PPIL1: variants seen among roughly 807,000 people sequenced by gnomAD.
The protein encoded by PPIL1 is peptidyl-prolyl cis-trans isomerase-like 1.
PPIL1 carries 14 observed loss-of-function variants against 19.4 expected under a neutral mutation model. That is an observed-to-expected ratio of 0.72 (90% CI 0.48 to 1.13). The LOEUF is 1.13. PPIL1 is among the 50% of genes most tolerant of loss of function. The pLI, the probability that PPIL1 is intolerant of heterozygous loss-of-function variation, is 0.00. For synonymous variants in PPIL1, 72 were observed against 73.6 expected (o/e 0.98, Z 0.11); for missense variants, 192 against 218.0 (o/e 0.88, Z 0.75).
chr6:36,874,586 T>C, intron 1 of PPIL1, 131 bp downstream of exon 1: 1 of 1,264,514 alleles, frequency 7.9e-7, no homozygotes, highest in Non-Finnish European at 1.1e-6. Flanking sequence ...CTGGGGGCCG[T>C]CTCGGCCGCT....
intron 2 of PPIL1, among the ~76,000 whole-genome samples, chr6:36,866,954 T>C (rs1199682227): frequency 6.6e-6 from 1 of 152,148 alleles, no homozygotes; most frequent in Non-Finnish European, 1.5e-5. Flanking sequence ...GGGACTTACA[T>C]ACAGGGCAGA....
intron 2 of PPIL1, among the ~76,000 whole-genome samples, chr6:36,871,116 G>A (rs1474862215): frequency 6.6e-6 from 1 of 152,138 alleles, no homozygotes; most frequent in African/African-American, 2.4e-5. Flanking sequence ...CATCCAAAAT[G>A]TTCTCCCCAC....
At position 36,863,090 on chromosome 6, in the gene PPIL1, T is replaced by A. The variant is rs559913635; in HGVS notation, c.212-6436A>T. 5.3e-5 allele frequency among the ~76,000 whole-genome samples: 8 copies of A among 152,298 alleles called. 1 individual carries two copies. In the South Asian group the frequency reaches 1.7e-3, roughly 32 times the overall value. Reference sequence around the variant, plus strand: ...TAAATGAGACAGCATATGGAAGCTATCTGGTGTGTAACATGAGGCAAACAC... The same window carrying A: ...TAAATGAGACAGCATATGGAAGCTAACTGGTGTGTAACATGAGGCAAACAC... On this transcript the variant is annotated intron_variant, in intron 2 of 3. Coordinates refer to ENST00000373699, the MANE Select transcript of PPIL1 (RefSeq NM_016059.5).
chr6:36,856,090 G>A (rs1032774041), intron 3 of PPIL1, 57 bp from the exon 4 acceptor site: 1 of 1,534,220 alleles, frequency 6.5e-7, no homozygotes, highest in Non-Finnish European at 8.9e-7. Flanking sequence ...GTCCAGTGTA[G>A]AGCTGCTGCC....
chr6:36,855,195 T>C lies in PPIL1; in HGVS notation c.*618A>G, dbSNP rs1774141895. Reference sequence around the variant, plus strand: ...TGACACCTTCTTAGAAACTTGATTGTTGGATGTGTTTTTCATTTGGCAAAA... The same window carrying C: ...TGACACCTTCTTAGAAACTTGATTGCTGGATGTGTTTTTCATTTGGCAAAA... On this transcript the variant is annotated 3_prime_UTR_variant, in exon 4 of 4. Coordinates refer to ENST00000373699, the MANE Select transcript of PPIL1 (RefSeq NM_016059.5). The C allele has an allele frequency of 6.5e-6, 1 of 153,236 alleles. No individual in the cohort carries two copies. Among genetic ancestry groups the C allele is most frequent in the Non-Finnish European group, 1.5e-5 (1 of 68,434 alleles). The allele number at this position is 153,236 out of a possible 1,614,324, so 9.5% of individuals were successfully genotyped here.
At chr6:36,874,653 G>A (rs145636632) in intron 1 of PPIL1, 64 bp downstream of exon 1, 592 of 1,586,164 alleles carry the variant, frequency 3.7e-4, no homozygotes, top group African/African-American at 3.1e-3. Context: ...CAGGAACGCA[G>A]ACCCGTGGTG....
chr6:36,866,782 G>A (rs576012923), intron 2 of PPIL1, among the ~76,000 whole-genome samples: 15 of 152,146 alleles, frequency 9.9e-5, no homozygotes, highest in African/African-American at 3.6e-4. Context: ...GAAGTACATC[G>A]AAGTACCGAC....
intron 1 of PPIL1, 97 bp from the exon 2 acceptor site, chr6:36,871,969 T>C (rs1220578196): frequency 2.6e-6 from 3 of 1,160,650 alleles, no homozygotes; most frequent in Non-Finnish European, 3.4e-6. Context: ...TTCAAGCTTG[T>C]AAGTCATGAA....
intron 1 of PPIL1, 87 bp from the exon 2 acceptor site, chr6:36,871,959 T>C: frequency 8.1e-7 from 1 of 1,229,586 alleles, no homozygotes; most frequent in South Asian, 2.0e-5. Context: ...ACTCTTGATT[T>C]TCAAGCTTGT....
At position 36,860,643 on chromosome 6, in the gene PPIL1, A is replaced by G. The variant is rs1192326333; in HGVS notation, c.212-3989T>C. 2.0e-5 allele frequency among the ~76,000 whole-genome samples: 3 copies of G among 151,956 alleles called. No homozygotes were observed. The East Asian group carries it at 5.8e-4, about 29-fold the overall frequency. ...CCCACTGCATCTCTCCCCACCACTC[A>G]TTCTCCTGAGAGCTAACAGCTGATT... On this transcript the variant is annotated intron_variant, in intron 2 of 3. Coordinates refer to ENST00000373699, the MANE Select transcript of PPIL1 (RefSeq NM_016059.5).
chr6:36,870,956 A>C (rs1774497709), intron 2 of PPIL1, among the ~76,000 whole-genome samples: 1 of 152,186 alleles, frequency 6.6e-6, no homozygotes, highest in African/African-American at 2.4e-5. Flanking sequence ...AGATCAGATC[A>C]TGTCTTTCCT....
At chr6:36,867,342 C>A (rs536034453) in intron 2 of PPIL1, among the ~76,000 whole-genome samples, 1 of 152,294 alleles carries the variant, frequency 6.6e-6, no homozygotes, top group South Asian at 2.1e-4. Context: ...GTCAAAAGTT[C>A]ACCAGCATCA....
chr6:36,867,312 C>G (rs1264447775), intron 2 of PPIL1, among the ~76,000 whole-genome samples: 2 of 151,988 alleles, frequency 1.3e-5, no homozygotes, highest in African/African-American at 4.8e-5. Flanking sequence ...AGTGAACATA[C>G]AAAAATTAAA....
chr6:36,874,257 GA>G (rs1774586364), intron 1 of PPIL1, among the ~76,000 whole-genome samples: 1 of 152,206 alleles, frequency 6.6e-6, no homozygotes, highest in African/African-American at 2.4e-5. Flanking sequence ...TGATAGTGGG[GA>G]AAATGTGCTT....
intron 2 of PPIL1, among the ~76,000 whole-genome samples, chr6:36,866,805 G>A (rs1290943958): frequency 6.6e-6 from 1 of 152,176 alleles, no homozygotes; most frequent in Non-Finnish European, 1.5e-5. Context: ...AACCCTTTCA[G>A]ACAAAGAAAG....
intron 2 of PPIL1, among the ~76,000 whole-genome samples, chr6:36,870,380 C>T (rs1217246941): frequency 2.6e-5 from 4 of 152,130 alleles, no homozygotes; most frequent in Admixed American, 6.5e-5. Flanking sequence ...CCCTGAACCC[C>T]ATATTCCTAT....
rs112797928 is a variant in PPIL1 at position 36,859,811 on chromosome 6, T to TTTTGTGTGTGTGTGTGTGTGTGTGTG, written c.212-3158_212-3157insCACACACACACACACACACACACAAA. Among the ~76,000 whole-genome samples, 33 of 144,988 alleles carry TTTTGTGTGTGTGTGTGTGTGTGTGTG rather than the reference T, an allele frequency of 2.3e-4. 1 individual carries two copies. The highest frequency in any genetic ancestry group is 8.3e-4 in the African/African-American group (32 of 38,368). Reference sequence around the variant, plus strand: ...TGAAGATAGGCAGACCTGTTTTCTATTGTGTGTGTGTGTGTGTGTGTGTGT... The same window carrying TTTTGTGTGTGTGTGTGTGTGTGTGTG: ...TGAAGATAGGCAGACCTGTTTTCTATTTTGTGTGTGTGTGTGTGTGTGTGTGTGTGTGTGTGTGTGTGTGTGTGTGT... On this transcript the variant is annotated intron_variant, in intron 2 of 3. Transcript: ENST00000373699.
At chr6:36,867,358 A>G (rs1014633351) in intron 2 of PPIL1, among the ~76,000 whole-genome samples, 1 of 152,236 alleles carries the variant, frequency 6.6e-6, no homozygotes, top group Admixed American at 6.5e-5. Context: ...CATCAACCAA[A>G]TAAGAAAAGG....
At chr6:36,871,991 C>A (rs1774520975) in intron 1 of PPIL1, 119 bp from the exon 2 acceptor site, 2 of 924,028 alleles carry the variant, frequency 2.2e-6, no homozygotes, top group African/African-American at 3.5e-5. Context: ...TTGTGATAAC[C>A]ACTGGATTTC....
Sources: gnomAD v4.1 joint callset for allele counts (sites outside exome capture counted in the v4.1 genomes callset) on GRCh38, gnomAD v4.1.1 for gene constraint, MANE v1.5 for transcripts, NCBI Gene and HGNC (gene_info 2026-07-23, HGNC 2026-07-21) for gene names.